The following JARID2 variants were observed in gnomAD, a reference collection of about 807,000 sequenced individuals.
JARID2 encodes the protein protein Jumonji.
JARID2 carries 21 observed loss-of-function variants against 125.6 expected under a neutral mutation model. That is an observed-to-expected ratio of 0.17 (90% CI 0.12 to 0.24). The LOEUF is 0.24. Ranked by LOEUF, JARID2 falls within the 10% of genes least tolerant of loss-of-function variation. The pLI is 1.00. For missense variants in JARID2, 1,303 were observed against 1,639.6 expected (o/e 0.79, Z 3.55); for synonymous variants, 736 against 661.6 (o/e 1.11, Z -1.73).
At chr6:15,490,555 G>A (rs747751620) in intron 6 of JARID2, among the ~76,000 whole-genome samples, 14 of 152,176 alleles carry the variant, frequency 9.2e-5, no homozygotes, top group Non-Finnish European at 1.9e-4. Flanking sequence ...GGCCCCGGCC[G>A]TTTACTCTCG....
chr6:15,249,069 A>C, intron 1 of JARID2: 1 of 491,710 alleles, frequency 2.0e-6, no homozygotes, highest in Non-Finnish European at 2.6e-6. Context: ...TTTCTGCAGG[A>C]ATGTTTTCAC....
At chr6:15,390,226 A>G (rs554497062) in intron 2 of JARID2, among the ~76,000 whole-genome samples, 3 of 152,296 alleles carry the variant, frequency 2.0e-5, no homozygotes, top group South Asian at 4.1e-4. Context: ...TGAGTGCGCC[A>G]TGGAGCTCGA....
In JARID2 at chr6:15,504,534, C is replaced by T; in HGVS notation, c.2483C>T (p.Thr828Ile). The T allele has an allele frequency of 1.2e-6, 2 of 1,614,060 alleles. No individual in the cohort carries two copies. The change falls in exon 9 of 18, where the codon ACA becomes ATA. Residue 828 changes from threonine to isoleucine, a missense_variant. Thr to Ile is a moderately conservative substitution (Grantham distance 89). This residue lies in a region of JARID2 where 29 missense variants were observed against 47.7 expected (regional missense o/e 0.61). Coordinates refer to ENST00000341776, the MANE Select transcript of JARID2 (RefSeq NM_004973.4). Reference sequence around the variant, plus strand: ...GTTTCTCTAACAACTTTTTATCGAACAGCGAGGAATATCATGAGCATGTGT... The same window carrying T: ...GTTTCTCTAACAACTTTTTATCGAATAGCGAGGAATATCATGAGCATGTGT... Reference protein sequence around the residue: ...RSVSLTTFYRTARNIMSMCFS... With the variant: ...RSVSLTTFYRIARNIMSMCFS...
chr6:15,268,678 C>T (rs981409310), intron 1 of JARID2, among the ~76,000 whole-genome samples: 14 of 152,212 alleles, frequency 9.2e-5, no homozygotes, highest in African/African-American at 3.4e-4. Flanking sequence ...ACGTCTCCCT[C>T]TGCCCCATCC....
At chr6:15,343,641 A>T (rs533023589) in intron 1 of JARID2, among the ~76,000 whole-genome samples, 1 of 152,252 alleles carries the variant, frequency 6.6e-6, no homozygotes, top group East Asian at 1.9e-4. Context: ...GTATCCTGTC[A>T]CTGTGTCCCC....
intron 1 of JARID2, among the ~76,000 whole-genome samples, chr6:15,361,934 C>T (rs995989531): frequency 7.7e-5 from 10 of 129,804 alleles, no homozygotes; most frequent in African/African-American, 2.6e-4. Flanking sequence ...GAGTCTTGAT[C>T]TCCCAGGCTG....
chr6:15,500,297 C>T (rs1770670782), intron 7 of JARID2, among the ~76,000 whole-genome samples: 1 of 152,208 alleles, frequency 6.6e-6, no homozygotes, highest in East Asian at 1.9e-4. Flanking sequence ...GCCCTGTGTC[C>T]TCACGCAGGT....
intron 3 of JARID2, among the ~76,000 whole-genome samples, chr6:15,446,798 A>AG (rs1288947328): frequency 6.6e-6 from 1 of 152,212 alleles, no homozygotes; most frequent in African/African-American, 2.4e-5. Context: ...GGTTTTAGTG[A>AG]GGGAGTGCAC....
Position 15,487,552 on chromosome 6 carries a change from A to C in JARID2, c.906+10A>C. 2 of 1,586,354 alleles carry C rather than the reference A, an allele frequency of 1.3e-6. No homozygotes were observed. Among genetic ancestry groups the C allele is most frequent in the South Asian group, 1.1e-5 (1 of 88,642 alleles). Reference sequence around the variant, plus strand: ...GGACTTACGGAAACAGGTAAAGTCCAGCAGGGGTGCCTACATGTGTGCCAG... The same window carrying C: ...GGACTTACGGAAACAGGTAAAGTCCCGCAGGGGTGCCTACATGTGTGCCAG... On this transcript the variant is annotated intron_variant, in intron 6 of 17. Transcript: ENST00000341776.
Position 15,458,858 on chromosome 6 carries a change from G to A in JARID2, c.493+6683G>A, listed in dbSNP as rs79380572. On this transcript the variant is annotated intron_variant, in intron 4 of 17. Coordinates refer to ENST00000341776, the MANE Select transcript of JARID2 (RefSeq NM_004973.4). ...GGCATGGATTGATGTTGGAGGTCCT[G>A]GAGTTAAAGCAAGAAAGTTAGGATA... Among the ~76,000 whole-genome samples, 1,101 of 152,332 alleles carry A rather than the reference G, an allele frequency of 7.2e-3. 13 individuals carry two copies. Among genetic ancestry groups the A allele is most frequent in the African/African-American group, 0.025 (1,047 of 41,576 alleles).
At chr6:15,478,906 C>CCGAT (rs1257878826) in intron 5 of JARID2, among the ~76,000 whole-genome samples, 1 of 152,132 alleles carries the variant, frequency 6.6e-6, no homozygotes, top group African/African-American at 2.4e-5. Flanking sequence ...CTCAGGTGAT[C>CCGAT]CGCCTGCCTC....
At chr6:15,337,477 C>T (rs1762915642) in intron 1 of JARID2, among the ~76,000 whole-genome samples, 1 of 152,138 alleles carries the variant, frequency 6.6e-6, no homozygotes, top group Admixed American at 6.6e-5. Flanking sequence ...AGCCCAACAG[C>T]CACGATGGGG....
chr6:15,487,963 A>G (rs909409098), intron 6 of JARID2, among the ~76,000 whole-genome samples: 2 of 152,148 alleles, frequency 1.3e-5, no homozygotes, highest in African/African-American at 4.8e-5. Flanking sequence ...ACAAGTTAAC[A>G]TTTCACCACC....
chr6:15,258,520 A>G (rs1561751370), intron 1 of JARID2, among the ~76,000 whole-genome samples: 1 of 152,218 alleles, frequency 6.6e-6, no homozygotes, highest in Non-Finnish European at 1.5e-5. Context: ...GTGGTGGCTC[A>G]CACCTGTAAT....
chr6:15,513,749 T>TA (rs1771396975), intron 16 of JARID2, among the ~76,000 whole-genome samples: 1 of 152,238 alleles, frequency 6.6e-6, no homozygotes, highest in Non-Finnish European at 1.5e-5. Context: ...ACTCTGCTCT[T>TA]ACCCATTCTT....
chr6:15,333,753 T>G (rs1762793149), intron 1 of JARID2, among the ~76,000 whole-genome samples: 1 of 152,218 alleles, frequency 6.6e-6, no homozygotes, highest in Non-Finnish European at 1.5e-5. Flanking sequence ...TCATATATTC[T>G]AGCTATTTGA....
intron 1 of JARID2, among the ~76,000 whole-genome samples, chr6:15,354,338 C>T (rs1055666206): frequency 5.3e-4 from 81 of 152,174 alleles, no homozygotes; most frequent in African/African-American, 1.9e-3. Context: ...CAGAAAAATC[C>T]AGCCTTGCTA....
intron 16 of JARID2, among the ~76,000 whole-genome samples, chr6:15,516,330 G>C (rs1364177377): frequency 6.6e-6 from 1 of 152,234 alleles, no homozygotes; most frequent in Non-Finnish European, 1.5e-5. Context: ...CTCAGAATTA[G>C]AATAGGACTT....
intron 1 of JARID2, among the ~76,000 whole-genome samples, chr6:15,293,848 T>A (rs1463219973): frequency 1.3e-5 from 2 of 152,264 alleles, no homozygotes; most frequent in Admixed American, 1.3e-4. Flanking sequence ...ATTTGTCCTC[T>A]GAACACAAAA....
Sources: allele counts gnomAD v4.1 joint callset (sites outside exome capture counted in the v4.1 genomes callset), GRCh38; gene constraint gnomAD v4.1.1; regional missense constraint gnomAD v4.1.1; transcripts MANE v1.5; gene names NCBI Gene and HGNC (gene_info 2026-07-23, HGNC 2026-07-21).